TNRC6B: variants seen among roughly 807,000 people sequenced by gnomAD.
TNRC6B encodes the protein trinucleotide repeat-containing gene 6B protein.
TNRC6B carries 52 observed loss-of-function variants against 203.6 expected under a neutral mutation model. The ratio of observed to expected loss-of-function variants is 0.26; its 90% CI spans 0.20 to 0.32. The LOEUF (loss-of-function observed/expected upper bound fraction) is 0.32, where lower values mean the gene tolerates loss of function less well. Among genes scored for constraint, TNRC6B ranks in the 10% least tolerant of loss-of-function variants. The pLI, the probability that TNRC6B is intolerant of heterozygous loss-of-function variation, is 1.00. For missense variants in TNRC6B, 1,923 were observed against 2,286.2 expected (o/e 0.84, Z 3.24); for synonymous variants, 838 against 845.7 (o/e 0.99, Z 0.16).
At chr22:40,121,850 A>C (rs936171849) in intron 2 of TNRC6B, among the ~76,000 whole-genome samples, 2 of 152,240 alleles carry the variant, frequency 1.3e-5, no homozygotes, top group African/African-American at 4.8e-5. Flanking sequence ...AGTCGCTGCT[A>C]AGGTCAAAAT....
chr22:40,283,593 G>C (rs1057039925), intron 11 of TNRC6B, among the ~76,000 whole-genome samples: 1 of 152,168 alleles, frequency 6.6e-6, no homozygotes, highest in Admixed American at 6.5e-5. Flanking sequence ...GTGATGCCCA[G>C]CTTCCATATT....
chr22:40,275,066 C>T (rs954635593), intron 7 of TNRC6B, among the ~76,000 whole-genome samples: 5 of 152,336 alleles, frequency 3.3e-5, no homozygotes, highest in Non-Finnish European at 5.9e-5. Flanking sequence ...CCTTCATCCC[C>T]TTTGCCCTTT....
At chr22:40,192,466 A>G (rs2146395346) in intron 1 of TNRC6B, among the ~76,000 whole-genome samples, 1 of 152,270 alleles carries the variant, frequency 6.6e-6, no homozygotes, top group African/African-American at 2.4e-5. Flanking sequence ...AAAATACAAA[A>G]ATTAGCCAAG....
At chr22:40,183,103 G>C (rs766818131) in intron 1 of TNRC6B, among the ~76,000 whole-genome samples, 5 of 152,054 alleles carry the variant, frequency 3.3e-5, no homozygotes, top group Admixed American at 2.6e-4. Flanking sequence ...GAGTGAAAAT[G>C]TGTGAGTATA....
intron 1 of TNRC6B, among the ~76,000 whole-genome samples, chr22:40,095,902 T>C (rs1034200111): frequency 6.6e-6 from 1 of 151,996 alleles, no homozygotes; most frequent in Admixed American, 6.6e-5. Flanking sequence ...ACCCTCATGC[T>C]CAAGGCGGAT....
rs903778448 is a variant in TNRC6B, at chr22:40,332,766, C to G, written c.*9525C>G. Reference sequence around the variant, plus strand: ...CCCCTGCAATGTAAACCCTTAACTCCTCTCTCCTTTCTGACATCAGTGGAT... The same window carrying G: ...CCCCTGCAATGTAAACCCTTAACTCGTCTCTCCTTTCTGACATCAGTGGAT... On this transcript the variant is annotated 3_prime_UTR_variant, in exon 23 of 23. Coordinates refer to ENST00000454349, the MANE Select transcript of TNRC6B (RefSeq NM_001162501.2). The G allele has an allele frequency of 2.0e-5, 3 of 152,636 alleles. No individual in the cohort carries two copies. 9.5% of individuals were successfully genotyped at this position (152,636 alleles called of 1,614,324 possible). A position where few individuals can be genotyped will look rare whatever the true frequency, so the allele number is the denominator to read the frequency against.
chr22:40,150,354 G>A (rs2146346602), intron 3 of TNRC6B, among the ~76,000 whole-genome samples: 1 of 152,230 alleles, frequency 6.6e-6, no homozygotes, highest in Non-Finnish European at 1.5e-5. Context: ...CCCCAGCCTG[G>A]GTGACAGAGC....
At position 40,329,736 on chromosome 22, in the gene TNRC6B, C is replaced by T. The variant is rs1050284507; in HGVS notation, c.*6495C>T. The T allele has an allele frequency of 6.6e-6, 1 of 152,110 alleles. No homozygotes were observed. Among genetic ancestry groups the T allele is most frequent in the Non-Finnish European group, 1.5e-5 (1 of 68,026 alleles). The allele number at this position is 152,110 out of a possible 1,614,324, so 9.4% of individuals were successfully genotyped here. On this transcript the variant is annotated 3_prime_UTR_variant, in exon 23 of 23. Transcript: ENST00000454349. Reference sequence around the variant, plus strand: ...AGATCCCGAGTGATTGTGGCATACCCCTAATATTTGAGTAGTTTTTAAGCT... The same window carrying T: ...AGATCCCGAGTGATTGTGGCATACCTCTAATATTTGAGTAGTTTTTAAGCT...
At chr22:40,100,992 AT>A (rs58490105) in intron 1 of TNRC6B, among the ~76,000 whole-genome samples, 43,923 of 146,008 alleles carry the variant, frequency 0.3, 6,599 homozygotes, top group African/African-American at 0.34. Flanking sequence ...TCTCTTCAGC[AT>A]TTTTTTTTTT....
At chr22:40,150,824 A>G (rs2068744727) in intron 3 of TNRC6B, among the ~76,000 whole-genome samples, 1 of 152,088 alleles carries the variant, frequency 6.6e-6, no homozygotes, top group African/African-American at 2.4e-5. Context: ...AAGGAGGGGG[A>G]AATAGATGAG....
At chr22:40,123,816 C>T (rs930296172) in intron 2 of TNRC6B, among the ~76,000 whole-genome samples, 1 of 151,522 alleles carries the variant, frequency 6.6e-6, no homozygotes, top group Non-Finnish European at 1.5e-5. Flanking sequence ...ATCTGTGAAG[C>T]AAATTACACA....
At chr22:40,070,597 T>C (rs1277508567) in intron 1 of TNRC6B, among the ~76,000 whole-genome samples, 1 of 152,196 alleles carries the variant, frequency 6.6e-6, no homozygotes, top group Non-Finnish European at 1.5e-5. Context: ...TTATAGATAT[T>C]CAAAGTAGAA....
At chr22:40,081,786 C>T (rs139341138) in intron 1 of TNRC6B, among the ~76,000 whole-genome samples, 1 of 152,316 alleles carries the variant, frequency 6.6e-6, no homozygotes, top group African/African-American at 2.4e-5. Context: ...TATCTTTCTA[C>T]TCAAGACTTT....
chr22:40,234,540 T>C (rs773700834), intron 1 of TNRC6B, among the ~76,000 whole-genome samples: 13 of 152,174 alleles, frequency 8.5e-5, no homozygotes, highest in Non-Finnish European at 1.2e-4. Flanking sequence ...TTTAACAAGA[T>C]ACCCATTAAA....
At chr22:40,151,194 C>G (rs2068749381) in intron 3 of TNRC6B, among the ~76,000 whole-genome samples, 1 of 151,050 alleles carries the variant, frequency 6.6e-6, no homozygotes, top group Non-Finnish European at 1.5e-5. Context: ...TCGCTTGAAC[C>G]AGAGAGGTGG....
At chr22:40,292,161 T>A (rs1294906435) in intron 12 of TNRC6B, among the ~76,000 whole-genome samples, 1 of 151,810 alleles carries the variant, frequency 6.6e-6, no homozygotes, top group East Asian at 1.9e-4. Flanking sequence ...GCCACTGCGC[T>A]CCAGCTTGGG....
At position 40,323,266 on chromosome 22, in the gene TNRC6B, C is replaced by T. The variant is rs1276105552; in HGVS notation, c.*25C>T. ...AACTTAGAACTTTCAACTCTGACCT[C>T]GTGACCTTTTTTGGAACAGCAGCAG... is the stretch of plus-strand genomic sequence containing the variant. On this transcript the variant is annotated 3_prime_UTR_variant, in exon 23 of 23. Coordinates refer to ENST00000454349, the MANE Select transcript of TNRC6B (RefSeq NM_001162501.2). 3 of 1,588,204 alleles carry T rather than the reference C, an allele frequency of 1.9e-6. No individual in the cohort carries two copies. The highest frequency in any genetic ancestry group is 2.6e-6 in the Non-Finnish European group (3 of 1,172,488).
chr22:40,141,261 A>G (rs113629785), intron 3 of TNRC6B, among the ~76,000 whole-genome samples: 1 of 128,584 alleles, frequency 7.8e-6, no homozygotes, highest in African/African-American at 3.0e-5. Context: ...GCTGGAATGC[A>G]GTGGCACAAT....
intron 4 of TNRC6B, among the ~76,000 whole-genome samples, chr22:40,167,381 A>G (rs1192380037): frequency 6.6e-6 from 1 of 152,164 alleles, no homozygotes; most frequent in African/African-American, 2.4e-5. Flanking sequence ...TAGAGCAGTC[A>G]GTTTAGAGAC....
Sources: gnomAD v4.1 joint callset for allele counts (sites outside exome capture counted in the v4.1 genomes callset) on GRCh38, gnomAD v4.1.1 for gene constraint, MANE v1.5 for transcripts, NCBI Gene and HGNC (gene_info 2026-07-23, HGNC 2026-07-21) for gene names.